The following DTNBP1 variants were observed in gnomAD, a reference collection of about 807,000 sequenced individuals.
DTNBP1 encodes the protein dysbindin.
A neutral mutation model predicts 42.8 loss-of-function variants in DTNBP1; 35 were observed. That is an observed-to-expected ratio of 0.82 (90% CI 0.63 to 1.09). The LOEUF is 1.09. Among genes scored for constraint, DTNBP1 ranks in the 50% least tolerant of loss-of-function variants. The pLI, the probability that DTNBP1 is intolerant of heterozygous loss-of-function variation, is 0.00. For synonymous variants in DTNBP1, 171 were observed against 162.2 expected (o/e 1.05, Z -0.41); for missense variants, 457 against 424.2 (o/e 1.08, Z -0.68).
chr6:15,590,032 A>G (rs535442409), intron 7 of DTNBP1, among the ~76,000 whole-genome samples: 3 of 152,118 alleles, frequency 2.0e-5, no homozygotes, highest in Non-Finnish European at 4.4e-5. Context: ...TCCCAGGTTC[A>G]AGCAATTCTC....
intron 8 of DTNBP1, among the ~76,000 whole-genome samples, chr6:15,525,078 G>A (rs777261293): frequency 7.2e-5 from 11 of 152,170 alleles, no homozygotes; most frequent in African/African-American, 1.9e-4. Context: ...CCCGGCAGGC[G>A]CACTCCTCTA....
At chr6:15,551,177 T>G (rs977382825) in intron 7 of DTNBP1, among the ~76,000 whole-genome samples, 1 of 151,742 alleles carries the variant, frequency 6.6e-6, no homozygotes, top group African/African-American at 2.4e-5. Context: ...ATGCAGCAGC[T>G]GGGAGACAGG....
chr6:15,595,358 G>T (rs993681261), intron 6 of DTNBP1: 1 of 369,882 alleles, frequency 2.7e-6, no homozygotes, highest in Non-Finnish European at 5.1e-6. Flanking sequence ...TCTGCCTCCC[G>T]GGTTCAAGCA....
chr6:15,537,174 AC>A (rs1205937065), intron 7 of DTNBP1, among the ~76,000 whole-genome samples: 2 of 152,148 alleles, frequency 1.3e-5, no homozygotes, highest in African/African-American at 4.8e-5. Flanking sequence ...TAATCCCAAC[AC>A]TTTGGGAGAC....
intron 7 of DTNBP1, among the ~76,000 whole-genome samples, chr6:15,558,215 T>C (rs1451223589): frequency 1.3e-5 from 2 of 151,984 alleles, no homozygotes; most frequent in African/African-American, 4.8e-5. Flanking sequence ...ACAATTGTCT[T>C]GTTTTGATCC....
chr6:15,575,123 G>A (rs1405070880), intron 7 of DTNBP1, among the ~76,000 whole-genome samples: 1 of 152,090 alleles, frequency 6.6e-6, no homozygotes, highest in Non-Finnish European at 1.5e-5. Context: ...AGCTGCGTGT[G>A]ACTTTCATGA....
intron 6 of DTNBP1, among the ~76,000 whole-genome samples, chr6:15,613,025 A>G (rs1252936520): frequency 6.6e-6 from 1 of 150,634 alleles, no homozygotes; most frequent in East Asian, 1.9e-4. Context: ...TCCCTTCTCT[A>G]GGCCAGGCGT....
chr6:15,574,422 G>C (rs1386389404), intron 7 of DTNBP1, among the ~76,000 whole-genome samples: 1 of 152,264 alleles, frequency 6.6e-6, no homozygotes, highest in African/African-American at 2.4e-5. Flanking sequence ...AGAAGAATAA[G>C]TGAGGCTGAG....
chr6:15,660,603 C>G, intron 1 of DTNBP1: 1 of 1,251,996 alleles, frequency 8.0e-7, no homozygotes, highest in Non-Finnish European at 1.0e-6. Context: ...ACTACGGCAT[C>G]TTTAAGAAGT....
At chr6:15,580,075 T>C (rs763835007) in intron 7 of DTNBP1, among the ~76,000 whole-genome samples, 1 of 152,158 alleles carries the variant, frequency 6.6e-6, no homozygotes, top group Non-Finnish European at 1.5e-5. Flanking sequence ...AAGATAAATA[T>C]CTGCAATAAA....
rs183862887 is a variant in DTNBP1, at chr6:15,630,372, C to T, written c.223-2897G>A. Among the ~76,000 whole-genome samples, 796 of 152,280 alleles carry T rather than the reference C, an allele frequency of 5.2e-3. 3 individuals carry two copies. The highest frequency in any genetic ancestry group is 8.1e-3 in the Non-Finnish European group (552 of 68,042). On this transcript the variant is annotated intron_variant, in intron 4 of 9. Coordinates refer to ENST00000344537, the MANE Select transcript of DTNBP1 (RefSeq NM_032122.5). ...GCAGAAACCAGGATTTCCAACACTA[C>T]GTTCAGTTCACTTTCTGACAGTGAA...
chr6:15,578,968 T>C (rs1403894478), intron 7 of DTNBP1, among the ~76,000 whole-genome samples: 4 of 152,220 alleles, frequency 2.6e-5, no homozygotes, highest in South Asian at 4.1e-4. Context: ...ATTATCTCAG[T>C]TGTTATGGAA....
intron 8 of DTNBP1, among the ~76,000 whole-genome samples, chr6:15,524,908 G>C (rs369355688): frequency 3.9e-5 from 6 of 152,286 alleles, no homozygotes; most frequent in African/African-American, 1.4e-4. Context: ...CCAGCCCTTT[G>C]GGACGCTGAA....
intron 7 of DTNBP1, among the ~76,000 whole-genome samples, chr6:15,574,696 G>A (rs1775489800): frequency 6.6e-6 from 1 of 152,168 alleles, no homozygotes; most frequent in African/African-American, 2.4e-5. Flanking sequence ...TTGTGGGGGA[G>A]GAGGAGGAGG....
intron 7 of DTNBP1, among the ~76,000 whole-genome samples, chr6:15,575,806 G>A (rs1207733719): frequency 2.6e-5 from 4 of 152,226 alleles, no homozygotes; most frequent in African/African-American, 9.6e-5. Flanking sequence ...CCTCCCAGAA[G>A]AGGGAGAGAT....
intron 8 of DTNBP1, among the ~76,000 whole-genome samples, chr6:15,527,288 A>AT (rs1459943708): frequency 6.6e-6 from 1 of 152,232 alleles, no homozygotes; most frequent in Non-Finnish European, 1.5e-5. Context: ...GCATGTCACT[A>AT]TACCTATTTG....
intron 8 of DTNBP1, among the ~76,000 whole-genome samples, chr6:15,532,235 G>A (rs1416547523): frequency 2.0e-5 from 3 of 152,368 alleles, no homozygotes; most frequent in Non-Finnish European, 2.9e-5. Context: ...GCTGCCCAGT[G>A]CCGCTGCCCT....
In DTNBP1 at chr6:15,600,942, C is replaced by T. The variant is rs541216216; in HGVS notation, c.489-7861G>A. Among the ~76,000 whole-genome samples, 21 of 152,250 alleles carry T rather than the reference C, an allele frequency of 1.4e-4. No individual in the cohort carries two copies. In the South Asian group the frequency reaches 3.7e-3, roughly 27 times the overall value. ...AATACAGTGGTTTGATAATGATCACCTTATGGCTGGCAGATGAGCCAAGGA... is the reference window on the plus strand; with the variant it reads ...AATACAGTGGTTTGATAATGATCACTTTATGGCTGGCAGATGAGCCAAGGA... On this transcript the variant is annotated intron_variant, in intron 6 of 9. Transcript: ENST00000344537.
At chr6:15,524,747 C>T in intron 8 of DTNBP1, 78 bp from the exon 9 acceptor site, 1 of 1,574,552 alleles carries the variant, frequency 6.4e-7, no homozygotes, top group Admixed American at 1.8e-5. Flanking sequence ...TGGCATTAGG[C>T]TAACTACATT....
Sources: allele counts gnomAD v4.1 joint callset (sites outside exome capture counted in the v4.1 genomes callset), GRCh38; gene constraint gnomAD v4.1.1; transcripts MANE v1.5; gene names NCBI Gene and HGNC (gene_info 2026-07-23, HGNC 2026-07-21).